CFAP65: variants seen among roughly 807,000 people sequenced by gnomAD.
CFAP65 encodes cilia and flagella associated protein 65.
A neutral mutation model predicts 208.0 loss-of-function variants in CFAP65; 155 were observed. That is an observed-to-expected ratio of 0.75 (90% CI 0.65 to 0.85). The LOEUF (loss-of-function observed/expected upper bound fraction) is 0.85, where lower values mean the gene tolerates loss of function less well. CFAP65 is among the 40% of genes least tolerant of loss of function. CFAP65 has a pLI of 0.00. For missense variants in CFAP65, 2,294 were observed against 2,451.3 expected (o/e 0.94, Z 1.36); for synonymous variants, 970 against 986.3 (o/e 0.98, Z 0.31).
chr2:219,015,431 C>G (rs549564244), intron 21 of CFAP65: 7 of 152,240 alleles, frequency 4.6e-5, no homozygotes, highest in African/African-American at 1.7e-4. Flanking sequence ...TGAGAGAAAG[C>G]GTGCAACACG....
rs1353856712 is a variant in CFAP65 at position 219,006,020 on chromosome 2, C to T, written c.4922+1G>A. The T allele has an allele frequency of 1.2e-6, 2 of 1,613,086 alleles. No homozygotes were observed. Among genetic ancestry groups the T allele is most frequent in the Non-Finnish European group, 1.7e-6 (2 of 1,179,946 alleles). ...TGACCCCTGCCTTCCCAAGAGCTTA[C>T]CGGTGCAAAAAGTGGCAGGGAAACT... On this transcript the variant is annotated splice_donor_variant, in intron 31 of 34. Transcript: ENST00000341552. LOFTEE classifies it high-confidence loss of function.
rs554505193 is a variant in CFAP65 at position 219,011,274 on chromosome 2, T to C, written c.3958-278A>G. Among the ~76,000 whole-genome samples, 112 of 137,530 alleles carry C rather than the reference T, an allele frequency of 8.1e-4. 1 individual carries two copies. The highest frequency in any genetic ancestry group is 7.6e-3 in the South Asian group (33 of 4,322). The allele number at this position is 137,530 out of a possible 152,430, so 90.2% of individuals were successfully genotyped here. A position where few individuals can be genotyped will look rare whatever the true frequency, so the allele number is the denominator to read the frequency against. On this transcript the variant is annotated intron_variant, in intron 24 of 34. Coordinates refer to ENST00000341552, the MANE Select transcript of CFAP65 (RefSeq NM_194302.4). ...AAGTTTTTTTTCTTTTTCTTTCTTT[T>C]TTTTTTTTTTTTTTTTTTGAGACAA...
chr2:219,004,416 G>A lies in CFAP65; in HGVS notation c.5091C>T (p.Asp1697=), dbSNP rs1180710216. Residue 1697 remains aspartate, a synonymous_variant, in exon 33 of 35, where the codon GAC becomes GAT. Transcript: ENST00000341552. The surrounding 1 kb of genome is among the most constrained non-coding windows in gnomAD (Gnocchi z 4.7). The part of the protein sequence containing the change: ...LEDKNFHEAV[D]QSLVEQVPYF... ...ACGGCACCTGCTCCACCAGGCTTTG[G>A]TCCACAGCCTCATGGAAGTTCTTGT... 6.2e-7 allele frequency: 1 copy of A among 1,613,368 alleles called. No homozygotes were observed.
At chr2:219,020,544 C>A (rs191234468) in intron 19 of CFAP65, among the ~76,000 whole-genome samples, 1 of 151,436 alleles carries the variant, frequency 6.6e-6, no homozygotes, top group Non-Finnish European at 1.5e-5. Context: ...CCACACCCAG[C>A]TAATACTTTT....
In CFAP65 at chr2:219,031,753, G is replaced by T; in HGVS notation, c.646-95C>A. On this transcript the variant is annotated intron_variant, in intron 6 of 34. Coordinates refer to ENST00000341552, the MANE Select transcript of CFAP65 (RefSeq NM_194302.4). This position sits in a 1 kb window ranked among gnomAD's most constrained non-coding sequence, Gnocchi z 5.2. ...CTCAGCCACCCCCAACACAACCGCT[G>T]AGGGGAGGGCCAGGCCGTGGCACCC... 6.8e-7 allele frequency: 1 copy of T among 1,463,502 alleles called. No individual in the cohort carries two copies. Among genetic ancestry groups the T allele is most frequent in the Non-Finnish European group, 9.2e-7 (1 of 1,084,138 alleles). The allele number at this position is 1,463,502 out of a possible 1,614,324, so 90.7% of individuals were successfully genotyped here.
At chr2:219,021,091 C>T in intron 19 of CFAP65, 61 bp downstream of exon 19, 1 of 1,462,206 alleles carries the variant, frequency 6.8e-7, no homozygotes, top group Non-Finnish European at 9.1e-7. Context: ...CCTCACACAG[C>T]CCTCCCCCTT....
At position 219,031,925 on chromosome 2, in the gene CFAP65, C is replaced by CTTTTTT. The variant is rs5838715; in HGVS notation, c.646-273_646-268dup. On this transcript the variant is annotated intron_variant, in intron 6 of 34. Transcript: ENST00000341552. The surrounding 1 kb of genome is among the most constrained non-coding windows in gnomAD (Gnocchi z 5.2). ...ATGTAGAAGGGGTTTCTTTTCTTTT[C>CTTTTTT]TTTTTTTTTTTTTTTTTTTGAGTCT... Among the ~76,000 whole-genome samples the CTTTTTT allele has an allele frequency of 1.2e-4, 16 of 131,378 alleles. No homozygotes were observed. The highest frequency in any genetic ancestry group is 2.3e-4 in the Admixed American group (3 of 13,078). The allele number at this position is 131,378 out of a possible 152,430, so 86.2% of individuals were successfully genotyped here.
chr2:219,004,277 T>G lies in CFAP65; in HGVS notation c.5230A>C (p.Lys1744Gln). 1 of 1,614,140 alleles carries G rather than the reference T, an allele frequency of 6.2e-7. No individual in the cohort carries two copies. ...PSSSWEDGKG[K>Q]QPKEDRPEHY... The stretch of plus-strand genomic sequence containing the variant: ...TCTGGTCTGTCTTCCTTCGGCTGCT[T>G]GCCCTTCCCATCCTCCCAGCTGCTG... Residue 1744 changes from lysine to glutamine, a missense_variant, in exon 33 of 35, where the codon AAG becomes CAG. Lys to Gln is a moderately conservative substitution (Grantham distance 53). This residue lies in a region of CFAP65 where 1,427 missense variants were observed against 1,438.7 expected (regional missense o/e 0.99). Coordinates refer to ENST00000341552, the MANE Select transcript of CFAP65 (RefSeq NM_194302.4). The surrounding 1 kb of genome is among the most constrained non-coding windows in gnomAD (Gnocchi z 4.7).
chr2:219,007,093 C>T (rs1034204550), intron 29 of CFAP65, among the ~76,000 whole-genome samples: 1 of 152,000 alleles, frequency 6.6e-6, no homozygotes, highest in Non-Finnish European at 1.5e-5. Context: ...CAGTCTCCCT[C>T]ATTAAGATTT....
intron 29 of CFAP65, among the ~76,000 whole-genome samples, 194 bp downstream of exon 29, chr2:219,008,853 C>T (rs1458080901): frequency 2.0e-5 from 3 of 152,234 alleles, no homozygotes; most frequent in Admixed American, 6.5e-5. Flanking sequence ...AATGGACAGC[C>T]AGCCTTCTCT....
At chr2:219,024,487 A>AGGGGGGGGGGGGG (rs1046581884) in intron 14 of CFAP65, among the ~76,000 whole-genome samples, 1 of 3,110 alleles carries the variant, frequency 3.2e-4, no homozygotes, top group African/African-American at 1.1e-3. Flanking sequence ...GGGGGGGGGC[A>AGGGGGGGGGGGGG]GGGGGGCGGG....
intron 21 of CFAP65, chr2:219,014,318 T>C: frequency 6.7e-6 from 2 of 300,428 alleles, no homozygotes; most frequent in African/African-American, 2.2e-5. Context: ...AGTCAAGGTG[T>C]TGCTTGAATA....
chr2:219,027,125 G>A (rs1204350143), intron 13 of CFAP65: 3 of 1,096,486 alleles, frequency 2.7e-6, no homozygotes, highest in African/African-American at 1.6e-5. Context: ...CAGGACTAAC[G>A]GATGAGGAGG....
intron 18 of CFAP65, 147 bp from the exon 19 acceptor site, chr2:219,021,427 T>C: frequency 9.9e-7 from 1 of 1,005,664 alleles, no homozygotes. Context: ...CCTCCCAGCC[T>C]GGGTCAGAGG....
Position 219,004,397 on chromosome 2 carries a change from C to T in CFAP65, c.5110G>A (p.Val1704Met), listed in dbSNP as rs757459317. The T allele has an allele frequency of 1.2e-6, 2 of 1,613,968 alleles. No homozygotes were observed. Among genetic ancestry groups the T allele is most frequent in the Admixed American group, 1.7e-5 (1 of 60,020 alleles). Residue 1704 changes from valine (V) to methionine (M), a missense_variant, in exon 33 of 35, where the codon GTG (valine) becomes ATG (methionine). Coordinates refer to ENST00000341552, the MANE Select transcript of CFAP65 (RefSeq NM_194302.4). This position sits in a 1 kb window ranked among gnomAD's most constrained non-coding sequence, Gnocchi z 4.7. ...TTCCAGAATTGGCGGAAGTACGGCA[C>T]CTGCTCCACCAGGCTTTGGTCCACA... The part of the protein sequence containing the change: ...EAVDQSLVEQ[V>M]PYFRQFWNEQ...
At chr2:219,005,692 A>G in intron 31 of CFAP65, 130 bp from the exon 32 acceptor site, 2 of 1,055,920 alleles carry the variant, frequency 1.9e-6, no homozygotes, top group Non-Finnish European at 2.8e-6. Flanking sequence ...CCTTAACCCA[A>G]ATGTAGTGCT....
chr2:219,024,053 A>C lies in CFAP65; in HGVS notation c.2557T>G (p.Phe853Val), dbSNP rs1247009700. Residue 853 changes from phenylalanine (F) to valine (V), a missense_variant, in exon 15 of 35, where the codon TTC (phenylalanine) becomes GTC (valine). Physicochemically the swap from Phe to Val is conservative, Grantham distance 50 (BLOSUM62 -1). Transcript: ENST00000341552. ...PEGSSWKQHT[F>V]YLQCNASPQY... ...GGGGAAGCATTGCACTGCAGATAGA[A>C]AGTGTGCTGCTTCCAGGAGCTGCCC... The C allele has an allele frequency of 6.2e-7, 1 of 1,614,036 alleles. No individual in the cohort carries two copies. Among genetic ancestry groups the C allele is most frequent in the Non-Finnish European group, 8.5e-7 (1 of 1,180,014 alleles).
Position 219,023,217 on chromosome 2 carries a change from T to C in CFAP65, c.2810A>G (p.Asn937Ser), listed in dbSNP as rs139741653. 7.6e-5 allele frequency: 122 copies of C among 1,611,614 alleles called. No individual in the cohort carries two copies. The highest frequency in any genetic ancestry group is 1.7e-4 in the Middle Eastern group (1 of 5,760). ...VQPSRGLIQP[N>S]ERLTLTWTFS... ...AGGGGAGCCACTCACAAGTCTCTCG[T>C]TGGGCTGGATTAGCCCCCTGGAGGG... Residue 937 changes from asparagine (N) to serine (S), a missense_variant, in exon 16 of 35, where the codon AAC becomes AGC. By Grantham distance (46) the Asn-to-Ser change is conservative. Around this residue, in one of 2 missense-constraint regions of CFAP65, gnomAD observed 1,427 missense variants for 1,438.7 expected, o/e 0.99. Transcript: ENST00000341552.
At position 219,029,634 on chromosome 2, in the gene CFAP65, G is replaced by A. The variant is rs753640113; in HGVS notation, c.1419C>T (p.Asn473=). The A allele has an allele frequency of 1.9e-6, 3 of 1,614,200 alleles. No homozygotes were observed. Among genetic ancestry groups the A allele is most frequent in the Non-Finnish European group, 2.5e-6 (3 of 1,180,034 alleles). ...PAVSLQHYCV[N]FSWVNLGERS... The stretch of plus-strand genomic sequence containing the variant: ...GCTCCCCAAGGTTGACCCAGCTGAA[G>A]TTGACACAGTAGTGCTGCAGGGACA... Residue 473 remains asparagine (N), a synonymous_variant, in exon 11 of 35, where the codon AAC becomes AAT. Coordinates refer to ENST00000341552, the MANE Select transcript of CFAP65 (RefSeq NM_194302.4).
Sources: allele counts gnomAD v4.1 joint callset (sites outside exome capture counted in the v4.1 genomes callset), GRCh38; gene constraint gnomAD v4.1.1; regional missense constraint gnomAD v4.1.1; non-coding constraint Gnocchi (gnomAD v3.1); transcripts MANE v1.5; gene names NCBI Gene and HGNC (gene_info 2026-07-23, HGNC 2026-07-21).